Variants in KCNB2 observed in about 807,000 individuals in gnomAD.
KCNB2 encodes the protein potassium voltage-gated channel subfamily B member 2, also known as delayed rectifier potassium channel protein.
Under a neutral mutation model 61.5 loss-of-function variants are expected in KCNB2, and 15 were observed. That is an observed-to-expected ratio of 0.24 (90% CI 0.16 to 0.38). The LOEUF is 0.38. Among genes scored for constraint, KCNB2 ranks in the 10% least tolerant of loss-of-function variants. The probability of loss-of-function intolerance (pLI) is 1.00; values close to 1 mark genes in which losing one functional copy is unlikely to be tolerated. For synonymous variants in KCNB2, 457 were observed against 446.0 expected (o/e 1.02, Z -0.31); for missense variants, 828 against 1,125.2 (o/e 0.74, Z 3.78).
At chr8:72,821,643 A>C (rs200176730) in intron 2 of KCNB2, among the ~76,000 whole-genome samples, 3 of 55,778 alleles carry the variant, frequency 5.4e-5, no homozygotes, top group African/African-American at 1.5e-4. Flanking sequence ...AAAAAAAACA[A>C]AAAAAAAAAA....
At position 72,537,752 on chromosome 8, in the gene KCNB2, G is replaced by C. The variant is rs939480976; in HGVS notation, c.-227G>C. ...GACCCTCCTCTCTGTGGAGGGGAGGGGGATTTCCAGCGACAGGTCATTGGC... is the reference window on the plus strand; with the variant it reads ...GACCCTCCTCTCTGTGGAGGGGAGGCGGATTTCCAGCGACAGGTCATTGGC... On this transcript the variant is annotated 5_prime_UTR_variant, in exon 1 of 3. Coordinates refer to ENST00000523207, the MANE Select transcript of KCNB2 (RefSeq NM_004770.3). 6.6e-6 allele frequency: 1 copy of C among 152,232 alleles called. No individual in the cohort carries two copies. 9.4% of individuals were successfully genotyped at this position (152,232 alleles called of 1,614,324 possible). A position where few individuals can be genotyped will look rare whatever the true frequency, so the allele number is the denominator to read the frequency against.
chr8:72,794,564 CA>C (rs397892520), intron 2 of KCNB2, among the ~76,000 whole-genome samples: 13,956 of 57,110 alleles, frequency 0.24, 434 homozygotes, highest in East Asian at 0.42. Context: ...GACTCCATCT[CA>C]AAAAAAAAAA....
At chr8:72,725,573 A>ATATATGTATGTATG (rs1563571989) in intron 2 of KCNB2, among the ~76,000 whole-genome samples, 2 of 62,182 alleles carry the variant, frequency 3.2e-5, no homozygotes, top group African/African-American at 1.6e-4. Context: ...ATGTATATAT[A>ATATATGTATGTATG]TGTATATATA....
intron 2 of KCNB2, among the ~76,000 whole-genome samples, chr8:72,923,046 G>A (rs796113676): frequency 6.6e-6 from 1 of 151,816 alleles, no homozygotes; most frequent in Non-Finnish European, 1.5e-5. Context: ...GGAGCTTCCA[G>A]GTCATAGGTG....
In KCNB2 at chr8:72,607,186, G is replaced by A. The variant is rs543088952; in HGVS notation, c.579+38873G>A. 5.9e-5 allele frequency among the ~76,000 whole-genome samples: 9 copies of A among 152,274 alleles called. No individual in the cohort carries two copies. The East Asian group carries it at 1.5e-3, about 26-fold the overall frequency. The stretch of plus-strand genomic sequence containing the variant: ...CAGCATGGGCAGTGGTAATGCTAAA[G>A]AGAGTGACACATATCAAAGGCAACC... On this transcript the variant is annotated intron_variant, in intron 2 of 2. Coordinates refer to ENST00000523207, the MANE Select transcript of KCNB2 (RefSeq NM_004770.3).
intron 2 of KCNB2, among the ~76,000 whole-genome samples, chr8:72,656,410 A>G (rs1256732105): frequency 6.6e-6 from 1 of 152,154 alleles, no homozygotes; most frequent in Non-Finnish European, 1.5e-5. Flanking sequence ...TGTTTACTCT[A>G]TGGCTTATGC....
chr8:72,839,788 A>AT lies in KCNB2; in HGVS notation c.580-96141dup, dbSNP rs535006601. Among the ~76,000 whole-genome samples the AT allele has an allele frequency of 1.8e-3, 275 of 150,170 alleles. 2 individuals carry two copies. Among genetic ancestry groups the AT allele is most frequent in the African/African-American group, 6.5e-3 (267 of 40,876 alleles). ...CCACCACGCCCGGCTAATTTTTTCTATTTTTTAGTAGAGACGGGGTTTCAC... is the reference window on the plus strand; with the variant it reads ...CCACCACGCCCGGCTAATTTTTTCTATTTTTTTAGTAGAGACGGGGTTTCAC... On this transcript the variant is annotated intron_variant, in intron 2 of 2. Coordinates refer to ENST00000523207, the MANE Select transcript of KCNB2 (RefSeq NM_004770.3).
chr8:72,667,056 G>A (rs1236847854), intron 2 of KCNB2, among the ~76,000 whole-genome samples: 1 of 151,824 alleles, frequency 6.6e-6, no homozygotes, highest in Admixed American at 6.6e-5. Context: ...GAGAGATAGA[G>A]AGAAAGAGAG....
At chr8:72,608,652 A>C (rs1805491327) in intron 2 of KCNB2, among the ~76,000 whole-genome samples, 1 of 152,132 alleles carries the variant, frequency 6.6e-6, no homozygotes, top group Non-Finnish European at 1.5e-5. Context: ...GGTATCCAGC[A>C]GGGGGAGAGG....
chr8:72,827,661 C>CTTTCTG (rs897328965), intron 2 of KCNB2, among the ~76,000 whole-genome samples: 2 of 152,134 alleles, frequency 1.3e-5, no homozygotes, highest in African/African-American at 4.8e-5. Flanking sequence ...GCTGGGCTCC[C>CTTTCTG]TTTCTGTTCT....
chr8:72,761,567 A>G (rs957919272), intron 2 of KCNB2, among the ~76,000 whole-genome samples: 27 of 152,176 alleles, frequency 1.8e-4, no homozygotes, highest in Non-Finnish European at 3.2e-4. Flanking sequence ...TAATGAGAGG[A>G]AAATGGATTA....
At chr8:72,575,946 A>G (rs1585761297) in intron 2 of KCNB2, among the ~76,000 whole-genome samples, 1 of 152,200 alleles carries the variant, frequency 6.6e-6, no homozygotes, top group East Asian at 1.9e-4. Context: ...GCCCTACCTG[A>G]CATTGCTAAC....
intron 2 of KCNB2, among the ~76,000 whole-genome samples, chr8:72,579,918 G>T (rs1806864686): frequency 6.6e-6 from 1 of 152,236 alleles, no homozygotes; most frequent in Non-Finnish European, 1.5e-5. Context: ...CCAGGGTCAT[G>T]AAGTGAAAAG....
Position 72,567,659 on chromosome 8 carries a change from C to A in KCNB2, c.-76C>A. The A allele has an allele frequency of 1.0e-6, 1 of 954,666 alleles. No individual in the cohort carries two copies. The highest frequency in any genetic ancestry group is 1.5e-6 in the Non-Finnish European group (1 of 645,190). The allele number at this position is 954,666 out of a possible 1,614,324, so 59.1% of individuals were successfully genotyped here. A position where few individuals can be genotyped will look rare whatever the true frequency, so the allele number is the denominator to read the frequency against. ...TCTTCCAGCTTTGTCAGTGGAAATG[C>A]CTGCCCCAGAGGGATATTGCTTCAG... On this transcript the variant is annotated 5_prime_UTR_variant, in exon 2 of 3. Coordinates refer to ENST00000523207, the MANE Select transcript of KCNB2 (RefSeq NM_004770.3).
At chr8:72,898,699 T>C (rs1243297189) in intron 2 of KCNB2, among the ~76,000 whole-genome samples, 1 of 152,186 alleles carries the variant, frequency 6.6e-6, no homozygotes, top group African/African-American at 2.4e-5. Context: ...TGGGGCTACA[T>C]GTGCAGGTTT....
chr8:72,656,117 T>G (rs1806287294), intron 2 of KCNB2, among the ~76,000 whole-genome samples: 1 of 152,134 alleles, frequency 6.6e-6, no homozygotes, highest in Admixed American at 6.6e-5. Flanking sequence ...CCTGGGCTTT[T>G]CTCCACTTCT....
At chr8:72,912,419 G>C (rs1806313498) in intron 2 of KCNB2, among the ~76,000 whole-genome samples, 1 of 150,490 alleles carries the variant, frequency 6.6e-6, no homozygotes, top group Non-Finnish European at 1.5e-5. Flanking sequence ...TCACAAAAAA[G>C]GTGCACATAT....
chr8:72,665,095 C>T (rs968304791), intron 2 of KCNB2, among the ~76,000 whole-genome samples: 2 of 152,148 alleles, frequency 1.3e-5, no homozygotes, highest in South Asian at 2.1e-4. Flanking sequence ...GGAAAGCCAC[C>T]GGAGGGTATT....
intron 2 of KCNB2, among the ~76,000 whole-genome samples, chr8:72,832,578 C>T (rs1417795201): frequency 6.6e-6 from 1 of 152,140 alleles, no homozygotes; most frequent in East Asian, 1.9e-4. Context: ...TGGAGACCTA[C>T]ATTATTTGTA....
Sources: gnomAD v4.1 joint callset for allele counts (sites outside exome capture counted in the v4.1 genomes callset) on GRCh38, gnomAD v4.1.1 for gene constraint, MANE v1.5 for transcripts, NCBI Gene and HGNC (gene_info 2026-07-23, HGNC 2026-07-21) for gene names.